The following RANBP2 variants were observed in gnomAD, a reference collection of about 807,000 sequenced individuals.
The protein encoded by RANBP2 is RAN binding protein 2, also known as E3 SUMO-protein ligase RanBP2.
RANBP2 carries 57 observed loss-of-function variants against 303.6 expected under a neutral mutation model. The ratio of observed to expected loss-of-function variants is 0.19; its 90% CI spans 0.15 to 0.23. RANBP2 has a LOEUF of 0.23. RANBP2 is among the 10% of genes least tolerant of loss of function. The probability of loss-of-function intolerance (pLI) is 1.00; values close to 1 mark genes in which losing one functional copy is unlikely to be tolerated. For synonymous variants in RANBP2, 1,167 were observed against 1,301.5 expected (o/e 0.90, Z 2.23); for missense variants, 3,138 against 3,780.8 (o/e 0.83, Z 4.46).
the RANBP2 span, among the ~76,000 whole-genome samples, chr2:109,197,440 C>T: frequency 5.3e-5 from 8 of 152,170 alleles, no homozygotes. Flanking sequence ...TATCTTGTTT[C>T]TTCATCAGTA....
the RANBP2 span, among the ~76,000 whole-genome samples, chr2:109,294,392 C>T: frequency 3.3e-5 from 5 of 151,884 alleles, no homozygotes; most frequent in African/African-American, 1.2e-4. Context: ...GAAACCTCAT[C>T]TCTACTAAAA....
the RANBP2 span, among the ~76,000 whole-genome samples, chr2:109,433,611 G>A: frequency 2.0e-5 from 3 of 152,202 alleles, no homozygotes; most frequent in Non-Finnish European, 4.4e-5. Context: ...ATAACCTGTA[G>A]ACCCTGCATT....
At chr2:108,776,662 A>T (rs1445315664) in intron 24 of RANBP2, among the ~76,000 whole-genome samples, 1 of 152,194 alleles carries the variant, frequency 6.6e-6, no homozygotes, top group African/African-American at 2.4e-5. Flanking sequence ...GCAGCTTCAC[A>T]TTAGCAGAAT....
At chr2:108,821,309 TATC>T in the RANBP2 span, among the ~76,000 whole-genome samples, 1 of 152,160 alleles carries the variant, frequency 6.6e-6, no homozygotes, top group East Asian at 1.9e-4. Context: ...AGTGAGCTGA[TATC>T]ATGCCATTGC....
the RANBP2 span, among the ~76,000 whole-genome samples, chr2:109,031,872 T>A: frequency 6.6e-6 from 1 of 152,076 alleles, no homozygotes; most frequent in Admixed American, 6.5e-5. Context: ...CAATTTCTTG[T>A]CCCGTGAGCG....
the RANBP2 span, among the ~76,000 whole-genome samples, chr2:109,142,319 T>G: frequency 6.6e-6 from 1 of 152,224 alleles, no homozygotes; most frequent in Admixed American, 6.5e-5. Context: ...TATTTTTTCT[T>G]AAAAATTCCC....
chr2:109,241,339 GA>G, the RANBP2 span, among the ~76,000 whole-genome samples: 3 of 152,212 alleles, frequency 2.0e-5, no homozygotes, highest in African/African-American at 4.8e-5. Context: ...ATTTGAAGTG[GA>G]AAAAAAGTAT....
the RANBP2 span, among the ~76,000 whole-genome samples, chr2:109,367,119 A>AT: frequency 0.028 from 3,160 of 113,268 alleles, 62 homozygotes; most frequent in Middle Eastern, 0.071. Flanking sequence ...TGCCCTGGTA[A>AT]TTTTTTTTTT....
chr2:109,323,382 A>G, the RANBP2 span, among the ~76,000 whole-genome samples: 2 of 152,234 alleles, frequency 1.3e-5, no homozygotes, highest in Non-Finnish European at 2.9e-5. Context: ...ATTCACCACA[A>G]TGGGCATTTG....
chr2:109,424,260 C>A, the RANBP2 span, among the ~76,000 whole-genome samples: 1 of 152,078 alleles, frequency 6.6e-6, no homozygotes, highest in Non-Finnish European at 1.5e-5. Context: ...TCAGGCTGCC[C>A]TTTGAAGGGG....
the RANBP2 span, among the ~76,000 whole-genome samples, chr2:109,423,946 TGAGA>T: frequency 6.6e-6 from 1 of 152,052 alleles, no homozygotes; most frequent in South Asian, 2.1e-4. Context: ...AGAATTTTAT[TGAGA>T]GAGTCTCTGG....
chr2:109,124,050 G>A, the RANBP2 span, among the ~76,000 whole-genome samples: 4 of 151,224 alleles, frequency 2.6e-5, no homozygotes, highest in African/African-American at 7.3e-5. Context: ...TAGCTCTGTC[G>A]CCCAGGCTAG....
chr2:109,514,153 CTT>C, the RANBP2 span, among the ~76,000 whole-genome samples: 1 of 152,334 alleles, frequency 6.6e-6, no homozygotes, highest in East Asian at 1.9e-4. Context: ...TTGGTTGAAA[CTT>C]AAACTCAGCA....
At chr2:108,788,577 G>T (rs1410425219), downstream of RANBP2, among the ~76,000 whole-genome samples, 2 of 151,894 alleles carry the variant, frequency 1.3e-5, no homozygotes, top group Middle Eastern at 3.5e-3. Context: ...AAAATTAGCC[G>T]GGTGTGGTGG....
chr2:109,439,752 C>G, the RANBP2 span, among the ~76,000 whole-genome samples: 1 of 152,052 alleles, frequency 6.6e-6, no homozygotes, highest in Non-Finnish European at 1.5e-5. Flanking sequence ...CGAGAAGGAG[C>G]TAGATACAGG....
At chr2:109,157,079 C>T in the RANBP2 span, among the ~76,000 whole-genome samples, 2 of 152,188 alleles carry the variant, frequency 1.3e-5, no homozygotes. Flanking sequence ...TTGGTAAACA[C>T]AGGTGGCTCC....
chr2:109,068,023 C>T, the RANBP2 span, among the ~76,000 whole-genome samples: 4 of 152,228 alleles, frequency 2.6e-5, no homozygotes, highest in Admixed American at 1.3e-4. Flanking sequence ...CACACACCTG[C>T]CTGCTCACAT....
At chr2:109,400,602 T>C in the RANBP2 span, among the ~76,000 whole-genome samples, 8 of 151,212 alleles carry the variant, frequency 5.3e-5, no homozygotes, top group Non-Finnish European at 1.2e-4. Flanking sequence ...TGTGAACTTA[T>C]ATGCGTCCCT....
At chr2:108,913,167 G>A in the RANBP2 span, among the ~76,000 whole-genome samples, 1 of 151,454 alleles carries the variant, frequency 6.6e-6, no homozygotes, top group Non-Finnish European at 1.5e-5. Flanking sequence ...GCCAGGATGG[G>A]CTCGATCTCC....
Sources: gnomAD v4.1 joint callset for allele counts (sites outside exome capture counted in the v4.1 genomes callset) on GRCh38, gnomAD v4.1.1 for gene constraint, MANE v1.5 for transcripts, NCBI Gene and HGNC (gene_info 2026-07-23, HGNC 2026-07-21) for gene names.